Variants in SENP7 observed in about 807,000 individuals in gnomAD.
SENP7 encodes the protein SUMO specific peptidase 7, also known as sentrin-specific protease 7.
Under a neutral mutation model 141.2 loss-of-function variants are expected in SENP7, and 64 were observed. The observed-to-expected ratio is 0.45, with a 90% CI of 0.37 to 0.56. SENP7 has a LOEUF of 0.56. Ranked by LOEUF, SENP7 falls within the 20% of genes least tolerant of loss-of-function variation. The pLI is 0.00. For missense variants in SENP7, 1,025 were observed against 1,212.2 expected, an observed-to-expected ratio of 0.85 and a Z score of 2.29; for synonymous variants, 382 against 426.4, an observed-to-expected ratio of 0.90 and a Z score of 1.28.
intron 14 of SENP7, 118 bp from the exon 15 acceptor site, chr3:101,341,897 T>C (rs1310835999): frequency 4.9e-6 from 5 of 1,015,374 alleles, no homozygotes; most frequent in African/African-American, 3.2e-5. Flanking sequence ...ATTATATCTA[T>C]ACTTTTAGAT....
intron 7 of SENP7, among the ~76,000 whole-genome samples, chr3:101,371,540 A>T (rs1161160895): frequency 6.6e-6 from 1 of 152,182 alleles, no homozygotes; most frequent in African/African-American, 2.4e-5. Context: ...CCTACAAAAA[A>T]TTTTCACAAG....
chr3:101,357,403 G>T, intron 11 of SENP7: 1 of 758,376 alleles, frequency 1.3e-6, no homozygotes, highest in Non-Finnish European at 2.3e-6. Flanking sequence ...AGCCAGACCT[G>T]ATGACCTGTC....
At chr3:101,356,300 CAACT>C (rs1198955108) in intron 11 of SENP7, among the ~76,000 whole-genome samples, 1 of 136,236 alleles carries the variant, frequency 7.3e-6, no homozygotes, top group African/African-American at 2.5e-5. Context: ...AAATAATGCC[CAACT>C]AATAAAAAAG....
intron 5 of SENP7, among the ~76,000 whole-genome samples, chr3:101,401,196 G>C (rs2061131436): frequency 6.6e-6 from 1 of 152,042 alleles, no homozygotes; most frequent in Admixed American, 6.6e-5. Flanking sequence ...GCAGAGTCAA[G>C]TTGTGAATGA....
chr3:101,360,317 G>A (rs933898513), intron 11 of SENP7, among the ~76,000 whole-genome samples: 2 of 152,156 alleles, frequency 1.3e-5, no homozygotes, highest in Admixed American at 6.5e-5. Context: ...GGTACTTCAT[G>A]TCTTATTCAT....
chr3:101,513,002 T>A, intron 1 of SENP7, 89 bp downstream of exon 1: 1 of 1,366,306 alleles, frequency 7.3e-7, no homozygotes, highest in Non-Finnish European at 1.0e-6. Context: ...CCCCCGCGGC[T>A]TCGGGCCGCA....
At chr3:101,442,991 T>C (rs543691406) in intron 4 of SENP7, among the ~76,000 whole-genome samples, 5 of 152,230 alleles carry the variant, frequency 3.3e-5, no homozygotes, top group Non-Finnish European at 5.9e-5. Flanking sequence ...TGGTTGCCAT[T>C]GCTTTTGGTG....
At chr3:101,357,757 C>A in intron 11 of SENP7, 2 of 639,070 alleles carry the variant, frequency 3.1e-6, no homozygotes, top group Non-Finnish European at 5.8e-6. Context: ...GGAAAAAAAA[C>A]TTTTAAATGT....
At chr3:101,421,431 A>G (rs1339955183) in intron 4 of SENP7, among the ~76,000 whole-genome samples, 2 of 152,230 alleles carry the variant, frequency 1.3e-5, no homozygotes, top group Non-Finnish European at 2.9e-5. Flanking sequence ...AATGTAATTA[A>G]GTCTAATGGA....
At chr3:101,496,685 C>T (rs1244450164) in intron 2 of SENP7, among the ~76,000 whole-genome samples, 2 of 151,980 alleles carry the variant, frequency 1.3e-5, no homozygotes, top group Non-Finnish European at 1.5e-5. Context: ...TCAAACAATC[C>T]TCCCACCTCA....
intron 1 of SENP7, 117 bp from the exon 2 acceptor site, chr3:101,501,236 A>C (rs1027293529): frequency 1.5e-6 from 1 of 688,774 alleles, no homozygotes; most frequent in East Asian, 2.9e-5. Context: ...TGTTAGATTT[A>C]GAATTTACAC....
At chr3:101,384,803 C>T (rs918708264) in intron 6 of SENP7, among the ~76,000 whole-genome samples, 1 of 152,198 alleles carries the variant, frequency 6.6e-6, no homozygotes, top group Non-Finnish European at 1.5e-5. Context: ...GCTGGCGAAG[C>T]AACACCACAA....
intron 3 of SENP7, among the ~76,000 whole-genome samples, chr3:101,468,006 A>AT (rs1449119173): frequency 3.9e-5 from 6 of 152,118 alleles, no homozygotes; most frequent in African/African-American, 1.4e-4. Flanking sequence ...TGTAGAGAAG[A>AT]TTTTAAATGA....
chr3:101,477,055 T>C (rs1232668702), intron 3 of SENP7, among the ~76,000 whole-genome samples: 2 of 152,230 alleles, frequency 1.3e-5, no homozygotes, highest in Non-Finnish European at 1.5e-5. Flanking sequence ...AGGTTGCCTA[T>C]TCACTCTGAT....
At chr3:101,441,412 C>T (rs1213405523) in intron 4 of SENP7, among the ~76,000 whole-genome samples, 1 of 152,070 alleles carries the variant, frequency 6.6e-6, no homozygotes, top group Non-Finnish European at 1.5e-5. Flanking sequence ...CAGGCCCACC[C>T]AATCTGCTGC....
intron 16 of SENP7, among the ~76,000 whole-genome samples, chr3:101,337,971 G>C (rs924607912): frequency 1.3e-5 from 2 of 151,992 alleles, no homozygotes; most frequent in East Asian, 3.9e-4. Context: ...TGACCAACAT[G>C]GTGAAACCCC....
intron 2 of SENP7, among the ~76,000 whole-genome samples, chr3:101,495,709 T>TG (rs1340889938): frequency 2.6e-5 from 4 of 152,124 alleles, no homozygotes; most frequent in Non-Finnish European, 5.9e-5. Flanking sequence ...TGAGAACAGA[T>TG]GGACACAATG....
At chr3:101,469,234 A>C (rs905745854) in intron 3 of SENP7, among the ~76,000 whole-genome samples, 3 of 152,144 alleles carry the variant, frequency 2.0e-5, no homozygotes, top group African/African-American at 7.2e-5. Flanking sequence ...AGAATACAGG[A>C]GCACCCAGAT....
intron 12 of SENP7, among the ~76,000 whole-genome samples, chr3:101,348,353 T>C (rs1250893063): frequency 6.6e-6 from 1 of 152,120 alleles, no homozygotes; most frequent in Non-Finnish European, 1.5e-5. Flanking sequence ...GAGGGAAAAT[T>C]TGAGATTAAA....
Sources: allele counts gnomAD v4.1 joint callset (sites outside exome capture counted in the v4.1 genomes callset), GRCh38; gene constraint gnomAD v4.1.1; transcripts MANE v1.5; gene names NCBI Gene and HGNC (gene_info 2026-07-23, HGNC 2026-07-21).